Variants in IFT20 observed in about 807,000 individuals in gnomAD.
IFT20 encodes intraflagellar transport 20.
In IFT20, 4 loss-of-function variants were observed where a neutral mutation model predicts 16.9. The observed-to-expected ratio is 0.24, with a 90% CI of 0.12 to 0.54. IFT20 has a LOEUF of 0.54. IFT20 is among the 20% of genes least tolerant of loss of function. IFT20 has a pLI of 0.95. For missense variants in IFT20, 154 were observed against 149.7 expected, an observed-to-expected ratio of 1.03 and a Z score of -0.15; for synonymous variants, 48 against 49.9, an observed-to-expected ratio of 0.96 and a Z score of 0.16.
intron 4 of IFT20, 36 bp from the exon 5 acceptor site, chr17:28,328,769 G>A: frequency 7.9e-7 from 1 of 1,273,376 alleles, no homozygotes; most frequent in Non-Finnish European, 1.1e-6. Flanking sequence ...CTGAAAAAAA[G>A]ATGAAGTAAA....
intron 2 of IFT20, among the ~76,000 whole-genome samples, chr17:28,330,803 C>T (rs1381719485): frequency 2.0e-5 from 3 of 152,198 alleles, no homozygotes; most frequent in Non-Finnish European, 1.5e-5. Context: ...AAGACCCTGT[C>T]GCTTAAACAC....
chr17:28,331,930 A>T lies in IFT20; in HGVS notation c.56T>A (p.Leu19Gln). Residue 19 changes from leucine (L) to glutamine (Q), a missense_variant, in exon 2 of 5, where the codon CTG (leucine) becomes CAG (glutamine). By Grantham distance (113) the Leu-to-Gln change is moderately radical. Transcript: ENST00000395418. ...AGLHFDELNKLRVLDPEVTQQ... is the reference protein window; with the variant it reads ...AGLHFDELNKQRVLDPEVTQQ... ...GGTAACCTCTGGGTCCAACACCCTC[A>T]GCTTGTTCAGTTCATCAAAGTGTAG... 1 of 1,614,226 alleles carries T rather than the reference A, an allele frequency of 6.2e-7. No homozygotes were observed. Among genetic ancestry groups the T allele is most frequent in the Non-Finnish European group, 8.5e-7 (1 of 1,180,032 alleles).
intron 3 of IFT20, 135 bp from the exon 4 acceptor site, chr17:28,329,411 G>T: frequency 4.5e-6 from 3 of 670,908 alleles, no homozygotes; most frequent in South Asian, 3.7e-5. Context: ...AAAGCTTTTG[G>T]GTTAAGTCAG....
intron 2 of IFT20, among the ~76,000 whole-genome samples, chr17:28,330,736 G>A (rs1311211195): frequency 1.3e-5 from 2 of 152,290 alleles, no homozygotes; most frequent in South Asian, 2.1e-4. Flanking sequence ...CCAGGAGTTA[G>A]AGGATGTGTG....
At chr17:28,329,580 AT>A (rs1457139727) in intron 3 of IFT20, 2 of 274,276 alleles carry the variant, frequency 7.3e-6, no homozygotes, top group Non-Finnish European at 1.4e-5. Flanking sequence ...GTAAGCCTTC[AT>A]TTCTTCATTT....
intron 4 of IFT20, 126 bp from the exon 5 acceptor site, chr17:28,328,859 GAA>G (rs1450279041): frequency 2.1e-4 from 155 of 730,502 alleles, no homozygotes; most frequent in Middle Eastern, 1.2e-3. Flanking sequence ...AATGAAGAAA[GAA>G]AGAGGCAAAG....
chr17:28,334,468 G>A (rs1907000043), intron 1 of IFT20, among the ~76,000 whole-genome samples: 1 of 152,254 alleles, frequency 6.6e-6, no homozygotes, highest in Non-Finnish European at 1.5e-5. Flanking sequence ...CGAAGGCTCT[G>A]AAAGACGCAG....
In IFT20 at chr17:28,331,951, T is replaced by G; in HGVS notation, c.35A>C (p.His12Pro). The G allele has an allele frequency of 1.9e-6, 3 of 1,614,246 alleles. No individual in the cohort carries two copies. The highest frequency in any genetic ancestry group is 2.5e-6 in the Non-Finnish European group (3 of 1,180,040). The change falls in exon 2 of 5, where the codon CAC becomes CCC. Residue 12 changes from histidine to proline, a missense_variant. Physicochemically the swap from His to Pro is moderately conservative, Grantham distance 77. Transcript: ENST00000395418. ...AKDILGEAGL[H>P]FDELNKLRVL... ...CCTCAGCTTGTTCAGTTCATCAAAG[T>G]GTAGCCCTGCTTCACCCAGGATGTC...
chr17:28,333,373 A>G (rs577496909), intron 1 of IFT20, among the ~76,000 whole-genome samples: 1 of 152,358 alleles, frequency 6.6e-6, no homozygotes, highest in African/African-American at 2.4e-5. Context: ...AATGGCTGGA[A>G]AATAATCAAG....
At chr17:28,329,464 G>A (rs142912358) in intron 3 of IFT20, 188 bp from the exon 4 acceptor site, 24 of 568,154 alleles carry the variant, frequency 4.2e-5, no homozygotes, top group Non-Finnish European at 7.2e-5. Flanking sequence ...AGAACTAGAC[G>A]GCAGCTTTGA....
At chr17:28,331,783 A>C in intron 2 of IFT20, 76 bp downstream of exon 2, 1 of 1,583,564 alleles carries the variant, frequency 6.3e-7, no homozygotes, top group Non-Finnish European at 8.7e-7. Flanking sequence ...CCACTGTGGC[A>C]GGGCCAAGAT....
intron 1 of IFT20, among the ~76,000 whole-genome samples, chr17:28,334,509 TG>T (rs1393366328): frequency 3.9e-5 from 6 of 152,224 alleles, no homozygotes; most frequent in Non-Finnish European, 8.8e-5. Context: ...AGAAGGGTAA[TG>T]GGACAGCCAG....
At chr17:28,331,556 CA>C (rs1280093685) in intron 2 of IFT20, 38 of 335,958 alleles carry the variant, frequency 1.1e-4, no homozygotes, top group Non-Finnish European at 4.4e-5. Flanking sequence ...TTCTATTTCC[CA>C]CACCCAAGCC....
intron 4 of IFT20, 115 bp downstream of exon 4, chr17:28,329,058 A>G: frequency 1.4e-6 from 1 of 728,102 alleles, no homozygotes; most frequent in Non-Finnish European, 2.3e-6. Context: ...ATGACAAGTG[A>G]GATGCTATTC....
intron 3 of IFT20, 115 bp downstream of exon 3, chr17:28,330,328 A>T: frequency 2.7e-6 from 2 of 738,342 alleles, no homozygotes; most frequent in Non-Finnish European, 4.9e-6. Context: ...TCTTAAATAA[A>T]AATTCACCCA....
Position 28,331,977 on chromosome 17 carries a change from C to T in IFT20, c.9G>A (p.Lys3=). The T allele has an allele frequency of 6.2e-7, 1 of 1,614,230 alleles. No individual in the cohort carries two copies. The highest frequency in any genetic ancestry group is 8.5e-7 in the Non-Finnish European group (1 of 1,180,034). The part of the protein sequence containing the change: MA[K]DILGEAGLHF... The stretch of plus-strand genomic sequence containing the variant: ...GTAGCCCTGCTTCACCCAGGATGTC[C>T]TTGGCCATGGCTGTAAAGAAACAGG... Residue 3 remains lysine (K), a synonymous_variant, in exon 2 of 5, where the codon AAG becomes AAA. Coordinates refer to ENST00000395418, the MANE Select transcript of IFT20 (RefSeq NM_001267776.2).
chr17:28,332,382 G>A, intron 1 of IFT20: 1 of 573,486 alleles, frequency 1.7e-6, no homozygotes, highest in Non-Finnish European at 3.0e-6. Flanking sequence ...ACATAGTTCA[G>A]CTGGAAGAAG....
intron 1 of IFT20, chr17:28,332,214 T>C (rs1555576695): frequency 6.5e-7 from 1 of 1,536,230 alleles, no homozygotes; most frequent in Admixed American, 2.0e-5. Context: ...CAGGAGGAGG[T>C]GTGTCATAGG....
rs148009868 is a variant in IFT20 at position 28,331,536 on chromosome 17, G to T, written c.127+323C>A. ...ACTTTCTCTGAAGAAATCAAATCATGAGTACATAATTCTATTTCCCACACC... is the reference window on the plus strand; with the variant it reads ...ACTTTCTCTGAAGAAATCAAATCATTAGTACATAATTCTATTTCCCACACC... On this transcript the variant is annotated intron_variant, in intron 2 of 4. Coordinates refer to ENST00000395418, the MANE Select transcript of IFT20 (RefSeq NM_001267776.2). The T allele has an allele frequency of 1.1e-3, 285 of 256,832 alleles. 1 individual carries two copies. The highest frequency in any genetic ancestry group is 5.9e-3 in the African/African-American group (266 of 45,180). 15.9% of individuals were successfully genotyped at this position (256,832 alleles called of 1,614,324 possible). A position where few individuals can be genotyped will look rare whatever the true frequency, so the allele number is the denominator to read the frequency against.
Sources: gnomAD v4.1 joint callset for allele counts (sites outside exome capture counted in the v4.1 genomes callset) on GRCh38, gnomAD v4.1.1 for gene constraint, MANE v1.5 for transcripts, NCBI Gene and HGNC (gene_info 2026-07-23, HGNC 2026-07-21) for gene names.